IP6K1: variants seen among roughly 807,000 people sequenced by gnomAD.
IP6K1 encodes the protein ATP:1D-myo-inositol-hexakisphosphate phosphotransferase.
In IP6K1, 13 loss-of-function variants were observed where a neutral mutation model predicts 38.3. The ratio of observed to expected loss-of-function variants is 0.34; its 90% CI spans 0.22 to 0.54. The LOEUF (loss-of-function observed/expected upper bound fraction) is 0.54. Among genes scored for constraint, IP6K1 ranks in the 20% least tolerant of loss-of-function variants. IP6K1 has a pLI of 0.92. For missense variants in IP6K1, 397 were observed against 599.8 expected, an observed-to-expected ratio of 0.66 and a Z score of 3.53; for synonymous variants, 212 against 229.9, an observed-to-expected ratio of 0.92 and a Z score of 0.70.
chr3:49,782,102 A>C, intron 1 of IP6K1, among the ~76,000 whole-genome samples: 1 of 151,960 alleles, frequency 6.6e-6, no homozygotes, highest in Non-Finnish European at 1.5e-5. Flanking sequence ...AAAAAAAATT[A>C]AGTAAATAAA....
chr3:49,728,961 T>C (rs2108220453), intron 4 of IP6K1, among the ~76,000 whole-genome samples: 1 of 151,182 alleles, frequency 6.6e-6, no homozygotes, highest in African/African-American at 2.4e-5. Context: ...GCCTAATTTT[T>C]TTTTTTTTTT....
chr3:49,748,268 T>C (rs1419517931), intron 1 of IP6K1, 100 bp from the exon 2 acceptor site: 3 of 568,310 alleles, frequency 5.3e-6, no homozygotes, highest in African/African-American at 3.8e-5. Flanking sequence ...TTTTGTTCCC[T>C]ACTATGTGTA....
chr3:49,727,520 G>A lies in IP6K1; in HGVS notation c.928C>T (p.Pro310Ser). 1.2e-6 allele frequency: 2 copies of A among 1,614,222 alleles called. No individual in the cohort carries two copies. Among genetic ancestry groups the A allele is most frequent in the Non-Finnish European group, 1.7e-6 (2 of 1,180,042 alleles). ...GLDLRRDLFE[P>S]ILSKLRGLKA... ...AGGCCCCGCAGTTTGCTCAGGATAGGCTCAAACAGGTCACGTCGCAGGTCC... is the reference window on the plus strand; with the variant it reads ...AGGCCCCGCAGTTTGCTCAGGATAGACTCAAACAGGTCACGTCGCAGGTCC... Residue 310 changes from proline (P) to serine (S), a missense_variant, in exon 6 of 6, where the codon CCT becomes TCT. Coordinates refer to ENST00000321599, the MANE Select transcript of IP6K1 (RefSeq NM_153273.4). This position sits in a 1 kb window ranked among gnomAD's most constrained non-coding sequence, Gnocchi z 5.9.
At chr3:49,759,577 C>T (rs900387945) in intron 1 of IP6K1, among the ~76,000 whole-genome samples, 1 of 152,100 alleles carries the variant, frequency 6.6e-6, no homozygotes, top group African/African-American at 2.4e-5. Context: ...TACAGAAACT[C>T]CCTCTTTCAG....
intron 2 of IP6K1, among the ~76,000 whole-genome samples, chr3:49,747,376 G>A (rs2080729834): frequency 6.6e-6 from 1 of 152,110 alleles, no homozygotes; most frequent in Non-Finnish European, 1.5e-5. Context: ...CCAGGCCCCA[G>A]AAAGTCCCTG....
chr3:49,735,758 G>A (rs2080605244), intron 3 of IP6K1, among the ~76,000 whole-genome samples: 1 of 152,180 alleles, frequency 6.6e-6, no homozygotes, highest in Admixed American at 6.5e-5. Flanking sequence ...AACTGAGTGA[G>A]GAGAACTGGA....
At chr3:49,733,949 T>C (rs2080584228) in intron 3 of IP6K1, among the ~76,000 whole-genome samples, 1 of 152,040 alleles carries the variant, frequency 6.6e-6, no homozygotes, top group Admixed American at 6.6e-5. Context: ...GGGCAACATG[T>C]CAAAACTCCA....
At chr3:49,752,756 C>G in intron 1 of IP6K1, among the ~76,000 whole-genome samples, 1 of 136,596 alleles carries the variant, frequency 7.3e-6, no homozygotes, top group Non-Finnish European at 1.6e-5. Context: ...TGCGCCTAGC[C>G]TTTTTTTTTT....
chr3:49,738,454 G>C (rs956020882), intron 2 of IP6K1, 32 bp from the exon 3 acceptor site: 1 of 1,543,620 alleles, frequency 6.5e-7, no homozygotes, highest in Admixed American at 1.7e-5. Flanking sequence ...GTAAACAAAT[G>C]TCAACACAGG....
intron 1 of IP6K1, among the ~76,000 whole-genome samples, chr3:49,754,638 A>C (rs2080807110): frequency 6.6e-6 from 1 of 152,194 alleles, no homozygotes; most frequent in South Asian, 2.1e-4. Flanking sequence ...CAACACATCA[A>C]GCCTAGAAAG....
intron 1 of IP6K1, among the ~76,000 whole-genome samples, chr3:49,762,592 T>G (rs967828134): frequency 2.0e-5 from 3 of 151,970 alleles, no homozygotes; most frequent in Non-Finnish European, 4.4e-5. Context: ...AACACTCCTA[T>G]ATCTATTAAG....
chr3:49,742,010 T>C (rs1192040652), intron 2 of IP6K1, among the ~76,000 whole-genome samples: 2 of 152,126 alleles, frequency 1.3e-5, no homozygotes, highest in African/African-American at 2.4e-5. Context: ...GGTCAGGAGT[T>C]TGAGTCTGCA....
chr3:49,758,314 C>CAAAAAA (rs11359274), intron 1 of IP6K1, among the ~76,000 whole-genome samples: 1 of 54,390 alleles, frequency 1.8e-5, no homozygotes. Context: ...GACTCCATCT[C>CAAAAAA]AAAAAAAAAA....
intron 3 of IP6K1, among the ~76,000 whole-genome samples, chr3:49,734,932 T>C (rs554987756): frequency 4.6e-5 from 7 of 152,296 alleles, no homozygotes; most frequent in African/African-American, 1.7e-4. Context: ...GGTAGAGCTG[T>C]CACCTTCAGG....
chr3:49,764,150 C>T (rs559372208), intron 1 of IP6K1, among the ~76,000 whole-genome samples: 4 of 151,580 alleles, frequency 2.6e-5, no homozygotes, highest in Admixed American at 2.0e-4. Context: ...GGGAGGTGAA[C>T]GTGAGAGGAT....
At chr3:49,747,186 A>G (rs1023680332) in intron 2 of IP6K1, among the ~76,000 whole-genome samples, 2 of 152,130 alleles carry the variant, frequency 1.3e-5, no homozygotes, top group African/African-American at 4.8e-5. Flanking sequence ...GTTATAAAGC[A>G]GAATGTAAAA....
chr3:49,753,691 A>T (rs2080798309), intron 1 of IP6K1, among the ~76,000 whole-genome samples: 1 of 152,224 alleles, frequency 6.6e-6, no homozygotes, highest in Non-Finnish European at 1.5e-5. Flanking sequence ...TAAAGGGACA[A>T]GTTCTTTTTG....
rs1024915194 is a variant in IP6K1 at position 49,786,366 on chromosome 3, G to A, written c.-141C>T. On this transcript the variant is annotated 5_prime_UTR_variant, in exon 1 of 6. Coordinates refer to ENST00000321599, the MANE Select transcript of IP6K1 (RefSeq NM_153273.4). ...TCCTGTCACTCACCTGCCCGGCCCG[G>A]GCACCGAGCGCCCACGGCTCCCTAC... is the stretch of plus-strand genomic sequence containing the variant. 2 of 152,206 alleles carry A rather than the reference G, an allele frequency of 1.3e-5. No homozygotes were observed. The highest frequency in any genetic ancestry group is 2.9e-5 in the Non-Finnish European group (2 of 68,042). The allele number at this position is 152,206 out of a possible 1,614,324, so 9.4% of individuals were successfully genotyped here. A position where few individuals can be genotyped will look rare whatever the true frequency, so the allele number is the denominator to read the frequency against.
Position 49,738,299 on chromosome 3 carries a change from T to C in IP6K1, c.347A>G (p.Lys116Arg). Reference sequence around the variant, plus strand: ...CCGGTGCAGGCTCCGGCGGGAGTGTTTGCGCCGAGGTTGCTCCCGTTCTGT... The same window carrying C: ...CCGGTGCAGGCTCCGGCGGGAGTGTCTGCGCCGAGGTTGCTCCCGTTCTGT... ...DTTEREQPRR[K>R]HSRRSLHRSG... The change falls in exon 3 of 6, where the codon AAA becomes AGA. Residue 116 changes from lysine to arginine, a missense_variant. Physicochemically the swap from Lys to Arg is conservative, Grantham distance 26. Transcript: ENST00000321599. 1 of 1,614,216 alleles carries C rather than the reference T, an allele frequency of 6.2e-7. No individual in the cohort carries two copies.
Sources: allele counts gnomAD v4.1 joint callset (sites outside exome capture counted in the v4.1 genomes callset), GRCh38; gene constraint gnomAD v4.1.1; non-coding constraint Gnocchi (gnomAD v3.1); transcripts MANE v1.5; gene names NCBI Gene and HGNC (gene_info 2026-07-23, HGNC 2026-07-21).